Variants in STAT4 observed in about 807,000 individuals in gnomAD.
STAT4 encodes the protein signal transducer and activator of transcription 4.
In STAT4, 42 loss-of-function variants were observed where a neutral mutation model predicts 110.5. The ratio of observed to expected loss-of-function variants is 0.38; its 90% confidence interval spans 0.30 to 0.49. The LOEUF is 0.49. Ranked by LOEUF, STAT4 falls within the 20% of genes least tolerant of loss-of-function variation. The pLI is 0.95. For synonymous variants in STAT4, 284 were observed against 302.2 expected (o/e 0.94, Z 0.63); for missense variants, 632 against 887.9 (o/e 0.71, Z 3.66).
At chr2:191,149,584 TGAA>T (rs1287369709) in intron 1 of STAT4, among the ~76,000 whole-genome samples, 1 of 152,152 alleles carries the variant, frequency 6.6e-6, no homozygotes, top group Non-Finnish European at 1.5e-5. Context: ...AGGAAAAACT[TGAA>T]GATCAAATAG....
rs998127725 is a variant in STAT4, at chr2:191,033,293, C to G, written c.1853-144G>C. On this transcript the variant is annotated intron_variant, in intron 20 of 23. Coordinates refer to ENST00000392320, the MANE Select transcript of STAT4 (RefSeq NM_003151.4). The surrounding 1 kb of genome is among the most constrained non-coding windows in gnomAD (Gnocchi z 6.9). ...AATGTCAGACCTTCTGCTGTCTGGACAGTATAGATTGTGCATACGATAGAC... is the reference window on the plus strand; with the variant it reads ...AATGTCAGACCTTCTGCTGTCTGGAGAGTATAGATTGTGCATACGATAGAC... The G allele has an allele frequency of 3.4e-5, 39 of 1,135,736 alleles. No homozygotes were observed. The highest frequency in any genetic ancestry group is 4.7e-5 in the African/African-American group (3 of 63,432). 70.4% of individuals were successfully genotyped at this position (1,135,736 alleles called of 1,614,324 possible).
rs1224336655 is a variant in STAT4, at chr2:191,110,958, G to A, written c.274-34633C>T. Among the ~76,000 whole-genome samples the A allele has an allele frequency of 6.6e-6, 1 of 151,966 alleles. No homozygotes were observed. Among genetic ancestry groups the A allele is most frequent in the African/African-American group, 2.4e-5 (1 of 41,378 alleles). On this transcript the variant is annotated intron_variant, in intron 3 of 23. Transcript: ENST00000392320. The surrounding 1 kb of genome is among the most constrained non-coding windows in gnomAD (Gnocchi z 4.5). ...GACACCAGGCCCAGCGAATTTTTCTGTATTTTTAGTAGAGACAAGGTTTCA... is the reference window on the plus strand; with the variant it reads ...GACACCAGGCCCAGCGAATTTTTCTATATTTTTAGTAGAGACAAGGTTTCA...
Position 191,061,079 on chromosome 2 carries a change from T to C in STAT4, c.1034+650A>G, listed in dbSNP as rs3024857. Among the ~76,000 whole-genome samples, 1,340 of 152,294 alleles carry C rather than the reference T, an allele frequency of 8.8e-3. 22 individuals are homozygous for C. Among genetic ancestry groups the C allele is most frequent in the African/African-American group, 0.03 (1,267 of 41,552 alleles). ...CTCAAACTCATTGTTCTCAGCATCATTAGGGAAAACTGTAAGTTTTGACGC... is the reference window on the plus strand; with the variant it reads ...CTCAAACTCATTGTTCTCAGCATCACTAGGGAAAACTGTAAGTTTTGACGC... On this transcript the variant is annotated intron_variant, in intron 10 of 23. Coordinates refer to ENST00000392320, the MANE Select transcript of STAT4 (RefSeq NM_003151.4). This position sits in a 1 kb window ranked among gnomAD's most constrained non-coding sequence, Gnocchi z 6.2.
chr2:191,081,702 T>C lies in STAT4; in HGVS notation c.274-5377A>G, dbSNP rs61590945. 4.4e-3 allele frequency among the ~76,000 whole-genome samples: 666 copies of C among 152,290 alleles called. 7 individuals carry two copies. Among genetic ancestry groups the C allele is most frequent in the African/African-American group, 0.015 (623 of 41,558 alleles). On this transcript the variant is annotated intron_variant, in intron 3 of 23. Transcript: ENST00000392320. Reference sequence around the variant, plus strand: ...AAAGTTCTTATTCTTAGACATTGTTTTACAGTTACACAAATTAAATATGGT... The same window carrying C: ...AAAGTTCTTATTCTTAGACATTGTTCTACAGTTACACAAATTAAATATGGT...
rs1054633553 is a variant in STAT4 at position 191,043,079 on chromosome 2, G to A, written c.1252-1931C>T. Among the ~76,000 whole-genome samples, 1 of 152,078 alleles carries A rather than the reference G, an allele frequency of 6.6e-6. No homozygotes were observed. The highest frequency in any genetic ancestry group is 6.6e-5 in the Admixed American group (1 of 15,262). ...CAGGCGTGAGCCACTGCGCCCGGCC[G>A]TATTCTCTATTCCTGTATATATTTG... On this transcript the variant is annotated intron_variant, in intron 14 of 23. Coordinates refer to ENST00000392320, the MANE Select transcript of STAT4 (RefSeq NM_003151.4). The surrounding 1 kb of genome is among the most constrained non-coding windows in gnomAD (Gnocchi z 4.8).
intron 14 of STAT4, chr2:191,041,800 G>C (rs1362308908): frequency 6.6e-6 from 1 of 152,314 alleles, no homozygotes; most frequent in Non-Finnish European, 1.5e-5. Flanking sequence ...AGGATGTGCT[G>C]TAAGAGCCCC....
Position 191,061,032 on chromosome 2 carries a change from T to C in STAT4, c.1034+697A>G, listed in dbSNP as rs1046927524. Reference sequence around the variant, plus strand: ...TTAGTGCTTGGAGTTTCAGGCATGATGAGAACCTTTGAAAGTAAGAACTCA... The same window carrying C: ...TTAGTGCTTGGAGTTTCAGGCATGACGAGAACCTTTGAAAGTAAGAACTCA... On this transcript the variant is annotated intron_variant, in intron 10 of 23. Coordinates refer to ENST00000392320, the MANE Select transcript of STAT4 (RefSeq NM_003151.4). The surrounding 1 kb of genome is among the most constrained non-coding windows in gnomAD (Gnocchi z 6.2). Among the ~76,000 whole-genome samples, 4 of 152,172 alleles carry C rather than the reference T, an allele frequency of 2.6e-5. No homozygotes were observed. Among genetic ancestry groups the C allele is most frequent in the Non-Finnish European group, 4.4e-5 (3 of 68,032 alleles).
chr2:191,036,142 C>T (rs1207145377), intron 17 of STAT4, 22 bp downstream of exon 17: 1 of 1,608,584 alleles, frequency 6.2e-7, no homozygotes, highest in African/African-American at 1.3e-5. Flanking sequence ...GAGGCAAATC[C>T]TCTCTATCTA....
chr2:191,045,243 C>T (rs919416514), intron 14 of STAT4, among the ~76,000 whole-genome samples: 1 of 152,096 alleles, frequency 6.6e-6, no homozygotes, highest in Non-Finnish European at 1.5e-5. Context: ...TGCAGTTAGT[C>T]CCTGATGAAA....
Position 191,031,915 on chromosome 2 carries a change from C to A in STAT4, c.2045-399G>T, listed in dbSNP as rs1439236096. ...GACACCAATCAGAATCTTATGATTG[C>A]AAACGTTCTTGAAGTACAGATGTCA... is the stretch of plus-strand genomic sequence containing the variant. On this transcript the variant is annotated intron_variant, in intron 21 of 23. Transcript: ENST00000392320. The surrounding 1 kb of genome is among the most constrained non-coding windows in gnomAD (Gnocchi z 4.8). Among the ~76,000 whole-genome samples, 1 of 152,144 alleles carries A rather than the reference C, an allele frequency of 6.6e-6. No homozygotes were observed. The highest frequency in any genetic ancestry group is 1.9e-4 in the East Asian group (1 of 5,202).
intron 14 of STAT4, among the ~76,000 whole-genome samples, chr2:191,052,265 T>G (rs1696547922): frequency 6.6e-6 from 1 of 152,188 alleles, no homozygotes; most frequent in South Asian, 2.1e-4. Flanking sequence ...TAGTCAACTG[T>G]TACTGCTGCA....
In STAT4 at chr2:191,104,634, T is replaced by C. The variant is rs1698229326; in HGVS notation, c.274-28309A>G. On this transcript the variant is annotated intron_variant, in intron 3 of 23. Transcript: ENST00000392320. The surrounding 1 kb of genome is among the most constrained non-coding windows in gnomAD (Gnocchi z 4.3). ...ATTAAACAAAGGTCCATAACCACCA[T>C]ACACATCATCATCATTTTATAAAAC... Among the ~76,000 whole-genome samples, 2 of 152,190 alleles carry C rather than the reference T, an allele frequency of 1.3e-5. No homozygotes were observed. The highest frequency in any genetic ancestry group is 4.8e-5 in the African/African-American group (2 of 41,458).
At chr2:191,119,689 A>T (rs1487677322) in intron 3 of STAT4, among the ~76,000 whole-genome samples, 2 of 152,240 alleles carry the variant, frequency 1.3e-5, no homozygotes, top group East Asian at 3.8e-4. Context: ...TAATATTTAT[A>T]TGAAAATTCC....
chr2:191,058,908 T>C lies in STAT4; in HGVS notation c.1035-139A>G. ...TACATTATCTACAGTTATATGTTAGTGTGTTTTAAAAATGTATAATGCCTC... is the reference window on the plus strand; with the variant it reads ...TACATTATCTACAGTTATATGTTAGCGTGTTTTAAAAATGTATAATGCCTC... On this transcript the variant is annotated intron_variant, in intron 10 of 23. Coordinates refer to ENST00000392320, the MANE Select transcript of STAT4 (RefSeq NM_003151.4). This position sits in a 1 kb window ranked among gnomAD's most constrained non-coding sequence, Gnocchi z 4.3. The C allele has an allele frequency of 1.8e-6, 1 of 552,098 alleles. No homozygotes were observed. Among genetic ancestry groups the C allele is most frequent in the South Asian group, 2.8e-5 (1 of 35,864 alleles). The allele number at this position is 552,098 out of a possible 1,614,324, so 34.2% of individuals were successfully genotyped here.
chr2:191,058,135 T>A lies in STAT4; in HGVS notation c.1113-24A>T. The A allele has an allele frequency of 6.2e-7, 1 of 1,613,582 alleles. No homozygotes were observed. The highest frequency in any genetic ancestry group is 8.5e-7 in the Non-Finnish European group (1 of 1,179,574). On this transcript the variant is annotated intron_variant, in intron 12 of 23. Coordinates refer to ENST00000392320, the MANE Select transcript of STAT4 (RefSeq NM_003151.4). The surrounding 1 kb of genome is among the most constrained non-coding windows in gnomAD (Gnocchi z 4.3). ...TGCTGGAGAGGAAATCTTAGCTATT[T>A]ACATGGTCTCAGGTAAAATAAATTT...
At chr2:191,123,990 T>C (rs1698808279) in intron 3 of STAT4, among the ~76,000 whole-genome samples, 1 of 152,314 alleles carries the variant, frequency 6.6e-6, no homozygotes, top group Admixed American at 6.5e-5. Context: ...ATTCCTTCCA[T>C]CCTTAGAAAC....
intron 3 of STAT4, among the ~76,000 whole-genome samples, chr2:191,141,081 G>A (rs1042736429): frequency 6.6e-6 from 1 of 151,882 alleles, no homozygotes; most frequent in Non-Finnish European, 1.5e-5. Flanking sequence ...GGGGACTTGT[G>A]GGGGAAGGTT....
rs988484962 is a variant in STAT4, at chr2:191,098,161, T to G, written c.274-21836A>C. On this transcript the variant is annotated intron_variant, in intron 3 of 23. Transcript: ENST00000392320. ...GAAATAGGAACACTTTTACACTGTTTGTGGGAGTGTAAACTAGTTCAACCA... is the reference window on the plus strand; with the variant it reads ...GAAATAGGAACACTTTTACACTGTTGGTGGGAGTGTAAACTAGTTCAACCA... 7.2e-5 allele frequency among the ~76,000 whole-genome samples: 11 copies of G among 152,138 alleles called. 1 individual carries two copies. Among genetic ancestry groups the G allele is most frequent in the Admixed American group, 1.3e-4 (2 of 15,272 alleles).
rs1439813564 is a variant in STAT4, at chr2:191,138,242, A to G, written c.273+8371T>C. 1.3e-5 allele frequency among the ~76,000 whole-genome samples: 2 copies of G among 152,162 alleles called. No individual in the cohort carries two copies. The highest frequency in any genetic ancestry group is 2.9e-5 in the Non-Finnish European group (2 of 68,022). On this transcript the variant is annotated intron_variant, in intron 3 of 23. Coordinates refer to ENST00000392320, the MANE Select transcript of STAT4 (RefSeq NM_003151.4). This position sits in a 1 kb window ranked among gnomAD's most constrained non-coding sequence, Gnocchi z 4.3. Reference sequence around the variant, plus strand: ...AAAAAAAACTAAATCCAAACCCAGCATAACACAAGAAATAACAAAGATCAG... The same window carrying G: ...AAAAAAAACTAAATCCAAACCCAGCGTAACACAAGAAATAACAAAGATCAG...
Sources: gnomAD v4.1 joint callset for allele counts (sites outside exome capture counted in the v4.1 genomes callset) on GRCh38, gnomAD v4.1.1 for gene constraint, Gnocchi (gnomAD v3.1) non-coding constraint, MANE v1.5 for transcripts, NCBI Gene and HGNC (gene_info 2026-07-23, HGNC 2026-07-21) for gene names.